Variants in CIITA observed in about 807,000 individuals in gnomAD.
The protein encoded by CIITA is class II major histocompatibility complex transactivator, also known as MHC class II transactivator.
In CIITA, 72 loss-of-function variants were observed where a neutral mutation model predicts 115.1. That is an observed-to-expected ratio of 0.63 (90% CI 0.52 to 0.76). The LOEUF is 0.76. Ranked by LOEUF, CIITA falls within the 30% of genes least tolerant of loss-of-function variation. CIITA has a pLI of 0.00. For missense variants in CIITA, 1,617 were observed against 1,463.8 expected (o/e 1.10, Z -1.71); for synonymous variants, 763 against 635.6 (o/e 1.20, Z -3.02).
Position 10,920,751 on chromosome 16 carries a change from G to T in CIITA, c.3150-1416G>T, listed in dbSNP as rs562552087. Among the ~76,000 whole-genome samples, 1 of 152,206 alleles carries T rather than the reference G, an allele frequency of 6.6e-6. No homozygotes were observed. Among genetic ancestry groups the T allele is most frequent in the East Asian group, 1.9e-4 (1 of 5,198 alleles). ...TACTCTCCCTGTGGGGTGGAGGAAG[G>T]GTCTCCAGGGTTCAGAGATTGCAAA... is the stretch of plus-strand genomic sequence containing the variant. On this transcript the variant is annotated intron_variant, in intron 16 of 19. Coordinates refer to ENST00000324288, the MANE Select transcript of CIITA (RefSeq NM_000246.4). This position sits in a 1 kb window ranked among gnomAD's most constrained non-coding sequence, Gnocchi z 4.5.
intron 3 of CIITA, 130 bp downstream of exon 3, chr16:10,895,894 G>A (rs1245823287): frequency 1.6e-5 from 15 of 913,816 alleles, no homozygotes; most frequent in Admixed American, 1.4e-4. Context: ...AGGGGGATGC[G>A]GAGCAATGGC....
chr16:10,881,376 A>G (rs2036417251), intron 1 of CIITA, among the ~76,000 whole-genome samples: 1 of 152,190 alleles, frequency 6.6e-6, no homozygotes, highest in South Asian at 2.1e-4. Flanking sequence ...AGACACACAC[A>G]GTCAAAAGAC....
intron 1 of CIITA, among the ~76,000 whole-genome samples, chr16:10,883,242 T>C (rs1225695940): frequency 6.6e-6 from 1 of 152,214 alleles, no homozygotes. Context: ...TCAGGTTCCC[T>C]TCCAGGAAAA....
intron 15 of CIITA, chr16:10,917,014 T>C (rs115217555): frequency 3.4e-5 from 8 of 233,126 alleles, no homozygotes; most frequent in African/African-American, 1.8e-4. Context: ...TATACAGTAA[T>C]GAAAATAATG....
rs752464519 is a variant in CIITA at position 10,941,685 on chromosome 16, C to T, written n.811C>T. 5.1e-6 allele frequency: 8 copies of T among 1,570,416 alleles called. No homozygotes were observed. Among genetic ancestry groups the T allele is most frequent in the Non-Finnish European group, 8.7e-7 (1 of 1,155,702 alleles). ...CTGGTCCAGGGCATGGGTTGCGGATCGTGTAGGGAAGAGGGGAACAGCAGT... is the reference window on the plus strand; with the variant it reads ...CTGGTCCAGGGCATGGGTTGCGGATTGTGTAGGGAAGAGGGGAACAGCAGT... On this transcript the variant is annotated non_coding_transcript_exon_variant, in exon 2 of 2. Coordinates refer to the CIITA transcript ENST00000573379. This position sits in a 1 kb window ranked among gnomAD's most constrained non-coding sequence, Gnocchi z 6.4.
At chr16:10,891,337 C>T (rs1310769023) in intron 1 of CIITA, among the ~76,000 whole-genome samples, 1 of 152,032 alleles carries the variant, frequency 6.6e-6, no homozygotes, top group Non-Finnish European at 1.5e-5. Context: ...GTGCAAGTCA[C>T]GTCCTTCCCG....
intron 16 of CIITA, among the ~76,000 whole-genome samples, chr16:10,919,010 T>C (rs2040122505): frequency 6.6e-6 from 1 of 152,154 alleles, no homozygotes; most frequent in South Asian, 2.1e-4. Flanking sequence ...CCAGAGGTAA[T>C]GAGCGGACTG....
In CIITA at chr16:10,877,258, C is replaced by T. The variant is rs2143426253; in HGVS notation, c.-73C>T. On this transcript the variant is annotated 5_prime_UTR_variant, in exon 1 of 20. Transcript: ENST00000324288. ...TCTGAGCTGGGCATCCGAAGGCATCCTTGGGGAAGCTGAGGGCACGAGGAG... is the reference window on the plus strand; with the variant it reads ...TCTGAGCTGGGCATCCGAAGGCATCTTTGGGGAAGCTGAGGGCACGAGGAG... 7 of 1,443,336 alleles carry T rather than the reference C, an allele frequency of 4.8e-6. No homozygotes were observed. In the South Asian group the frequency reaches 8.3e-5, roughly 17 times the overall value. 89.4% of individuals were successfully genotyped at this position (1,443,336 alleles called of 1,614,324 possible). A position where few individuals can be genotyped will look rare whatever the true frequency, so the allele number is the denominator to read the frequency against.
In CIITA at chr16:10,923,872, C is replaced by T. The variant is rs1239687907; in HGVS notation, c.*23-6C>T. ...AAACCCCCTCTCCTGGCTCCTCCCG[C>T]TACAGCATGTTCTCTGAGGACACTA... On this transcript the variant is annotated splice_region_variant and splice_polypyrimidine_tract_variant and intron_variant, in intron 19 of 19. Coordinates refer to ENST00000324288, the MANE Select transcript of CIITA (RefSeq NM_000246.4). The surrounding 1 kb of genome is among the most constrained non-coding windows in gnomAD (Gnocchi z 5.2). The T allele has an allele frequency of 6.2e-6, 1 of 162,120 alleles. No homozygotes were observed. Among genetic ancestry groups the T allele is most frequent in the African/African-American group, 2.4e-5 (1 of 41,686 alleles). 10.0% of individuals were successfully genotyped at this position (162,120 alleles called of 1,614,324 possible).
At chr16:10,922,376 G>A in intron 17 of CIITA, 31 bp from the exon 18 acceptor site, 1 of 1,614,034 alleles carries the variant, frequency 6.2e-7, no homozygotes. Flanking sequence ...AGTCCCAAGG[G>A]CCAGGCCCCA....
At chr16:10,916,313 G>A (rs1421213983) in intron 14 of CIITA, 54 bp from the exon 15 acceptor site, 3 of 1,557,212 alleles carry the variant, frequency 1.9e-6, no homozygotes, top group Non-Finnish European at 2.6e-6. Context: ...GGATGGGAAG[G>A]GTCAGATGGC....
chr16:10,872,101 A>G (rs775317917), intron 1 of CIITA, among the ~76,000 whole-genome samples: 8 of 151,638 alleles, frequency 5.3e-5, no homozygotes, highest in Non-Finnish European at 7.4e-5. Flanking sequence ...TATTATCATT[A>G]TTCTCACCCT....
chr16:10,881,696 AT>A (rs371602163), intron 1 of CIITA, among the ~76,000 whole-genome samples: 14 of 152,364 alleles, frequency 9.2e-5, no homozygotes, highest in African/African-American at 3.1e-4. Context: ...AAAATTTACC[AT>A]TTTAACCACT....
At position 10,941,480 on chromosome 16, in the gene CIITA, G is replaced by A; in HGVS notation, n.606G>A. 6 of 1,274,552 alleles carry A rather than the reference G, an allele frequency of 4.7e-6. No individual in the cohort carries two copies. Among genetic ancestry groups the A allele is most frequent in the Non-Finnish European group, 6.1e-6 (6 of 984,436 alleles). The allele number at this position is 1,274,552 out of a possible 1,614,324, so 79.0% of individuals were successfully genotyped here. The stretch of plus-strand genomic sequence containing the variant: ...GGAGGTGAACGGAGGAGAAGCCTGA[G>A]GGAGGGGTGTGTATCCGGCCTGGGA... On this transcript the variant is annotated non_coding_transcript_exon_variant, in exon 2 of 2. Coordinates refer to the CIITA transcript ENST00000573379. This position sits in a 1 kb window ranked among gnomAD's most constrained non-coding sequence, Gnocchi z 6.4.
chr16:10,868,022 A>G (rs2035214653), intron 1 of CIITA, among the ~76,000 whole-genome samples: 1 of 152,148 alleles, frequency 6.6e-6, no homozygotes, highest in Admixed American at 6.5e-5. Context: ...TTGGCCTCCC[A>G]AATTGCTGGG....
rs2040230739 is a variant in CIITA, at chr16:10,920,838, A to G, written c.3150-1329A>G. On this transcript the variant is annotated intron_variant, in intron 16 of 19. Transcript: ENST00000324288. This position sits in a 1 kb window ranked among gnomAD's most constrained non-coding sequence, Gnocchi z 4.5. Reference sequence around the variant, plus strand: ...CGTGATGTGAGTTGATTTAGCCTGAATCCACTTGGCAGCAGTGTAAACCTG... The same window carrying G: ...CGTGATGTGAGTTGATTTAGCCTGAGTCCACTTGGCAGCAGTGTAAACCTG... 1.3e-5 allele frequency among the ~76,000 whole-genome samples: 2 copies of G among 152,054 alleles called. No homozygotes were observed.
Position 10,910,216 on chromosome 16 carries a change from G to A in CIITA, c.2845G>A (p.Gly949Arg), listed in dbSNP as rs1357673992. The change falls in exon 13 of 20, where the codon GGG becomes AGG. Residue 949 changes from glycine (G) to arginine (R), a missense_variant. Coordinates refer to ENST00000324288, the MANE Select transcript of CIITA (RefSeq NM_000246.4). ...RTRSSSEDTA[G>R]ELPAVRDLKK... ...GAGAAGTTCCTCGGAAGACACAGCT[G>A]GGGAGCTCCCTGCTGTTCGGGACCT... The A allele has an allele frequency of 1.2e-6, 2 of 1,613,930 alleles. No individual in the cohort carries two copies. The highest frequency in any genetic ancestry group is 1.3e-5 in the African/African-American group (1 of 74,924).
At position 10,915,666 on chromosome 16, in the gene CIITA, G is replaced by A. The variant is rs748535325; in HGVS notation, c.2969+16G>A. On this transcript the variant is annotated intron_variant, in intron 14 of 19. Transcript: ENST00000324288. ...AGCATCTGGAGTGAGTATAGACTCT[G>A]GGACCCCTTCCTCTCAACATCTGGG... 6.2e-7 allele frequency: 1 copy of A among 1,606,402 alleles called. No individual in the cohort carries two copies. The highest frequency in any genetic ancestry group is 8.5e-7 in the Non-Finnish European group (1 of 1,173,244).
In CIITA at chr16:10,924,595, C is replaced by T. The variant is rs2040453917; in HGVS notation, c.*740C>T. 6.6e-6 allele frequency: 1 copy of T among 152,292 alleles called. No individual in the cohort carries two copies. The highest frequency in any genetic ancestry group is 1.5e-5 in the Non-Finnish European group (1 of 68,104). 9.4% of individuals were successfully genotyped at this position (152,292 alleles called of 1,614,324 possible). ...ACACCTTGACAGGGCACACCGGGCACTCAGAAGACACTGATGGGCAACCCC... is the reference window on the plus strand; with the variant it reads ...ACACCTTGACAGGGCACACCGGGCATTCAGAAGACACTGATGGGCAACCCC... On this transcript the variant is annotated 3_prime_UTR_variant, in exon 20 of 20. Coordinates refer to ENST00000324288, the MANE Select transcript of CIITA (RefSeq NM_000246.4).
Sources: allele counts gnomAD v4.1 joint callset (sites outside exome capture counted in the v4.1 genomes callset), GRCh38; gene constraint gnomAD v4.1.1; non-coding constraint Gnocchi (gnomAD v3.1); transcripts MANE v1.5; gene names NCBI Gene and HGNC (gene_info 2026-07-23, HGNC 2026-07-21).